The following ANO4 variants were observed in gnomAD, a reference collection of about 807,000 sequenced individuals.
ANO4 encodes the protein anoctamin 4, also known as anoctamin-4.
A neutral mutation model predicts 141.9 loss-of-function variants in ANO4; 69 were observed. That is an observed-to-expected ratio of 0.49 (90% CI 0.40 to 0.59). ANO4 has a LOEUF of 0.59. Ranked by LOEUF, ANO4 falls within the 20% of genes least tolerant of loss-of-function variation. The probability of loss-of-function intolerance (pLI) is 0.00; values close to 1 mark genes in which losing one functional copy is unlikely to be tolerated. For missense variants in ANO4, 894 were observed against 1,162.2 expected, an observed-to-expected ratio of 0.77 and a Z score of 3.36; for synonymous variants, 350 against 394.3, an observed-to-expected ratio of 0.89 and a Z score of 1.33.
intron 6 of ANO4, among the ~76,000 whole-genome samples, chr12:100,971,762 G>A (rs2043944195): frequency 6.6e-6 from 1 of 151,728 alleles, no homozygotes; most frequent in Non-Finnish European, 1.5e-5. Context: ...ATGTTTTCAT[G>A]TTCTTTACTG....
intron 1 of ANO4, among the ~76,000 whole-genome samples, chr12:100,845,807 A>C (rs1026287518): frequency 3.3e-5 from 5 of 152,228 alleles, no homozygotes; most frequent in Non-Finnish European, 5.9e-5. Context: ...TTACTTTACC[A>C]GTTCATTGTA....
intron 1 of ANO4, chr12:100,885,460 G>A (rs572929635): frequency 1.3e-5 from 2 of 152,216 alleles, no homozygotes; most frequent in Non-Finnish European, 2.9e-5. Flanking sequence ...ATGCAGTCCA[G>A]TGGACCTTCT....
At chr12:100,757,503 A>G (rs2032663983) in intron 3 of ANO4, among the ~76,000 whole-genome samples, 1 of 152,208 alleles carries the variant, frequency 6.6e-6, no homozygotes, top group Non-Finnish European at 1.5e-5. Context: ...TTCTCTTGTA[A>G]CTACAAAGGT....
Position 100,967,288 on chromosome 12 carries a change from T to C in ANO4, c.457-4018T>C, listed in dbSNP as rs140442668. Among the ~76,000 whole-genome samples the C allele has an allele frequency of 6.8e-4, 104 of 152,294 alleles. 1 individual carries two copies. In the East Asian group the frequency reaches 0.01, roughly 15 times the overall value. On this transcript the variant is annotated intron_variant, in intron 5 of 27. Transcript: ENST00000392977. ...TTCATAAAAATCATTTTCATTTCTTTTCACTTTGGCTCTTGTGCACTTGGA... is the reference window on the plus strand; with the variant it reads ...TTCATAAAAATCATTTTCATTTCTTCTCACTTTGGCTCTTGTGCACTTGGA...
chr12:101,043,687 C>CCTCAGGAAGGTGTA, intron 13 of ANO4, 52 bp downstream of exon 13: 11 of 1,335,438 alleles, frequency 8.2e-6, no homozygotes, highest in Non-Finnish European at 1.2e-5. Context: ...ATACACCTTC[C>CCTCAGGAAGGTGTA]TGAGGGATGG....
chr12:100,723,650 A>G (rs2030968170), intron 1 of ANO4, among the ~76,000 whole-genome samples: 1 of 152,218 alleles, frequency 6.6e-6, no homozygotes, highest in Non-Finnish European at 1.5e-5. Flanking sequence ...ACACTCATGT[A>G]TACATGTACA....
intron 3 of ANO4, among the ~76,000 whole-genome samples, chr12:100,758,530 G>A (rs1307515197): frequency 6.6e-6 from 1 of 152,152 alleles, no homozygotes; most frequent in Admixed American, 6.5e-5. Context: ...GAGAGGATTT[G>A]TTATTCTCTT....
chr12:101,094,861 C>T (rs1308266930), intron 18 of ANO4, among the ~76,000 whole-genome samples: 1 of 152,182 alleles, frequency 6.6e-6, no homozygotes, highest in Non-Finnish European at 1.5e-5. Flanking sequence ...GTGGCATGTA[C>T]CTGTAGTCTC....
Position 101,042,535 on chromosome 12 carries a change from G to T in ANO4, c.1154+67G>T. On this transcript the variant is annotated intron_variant, in intron 12 of 27. Transcript: ENST00000392977. ...TAGAGGTGGCTGTTTGCACTTTGGG[G>T]GTATTCACAGATTGTGGAGACATTT... The T allele has an allele frequency of 5.1e-6, 8 of 1,580,856 alleles. No homozygotes were observed. In the South Asian group the frequency reaches 5.6e-5, roughly 11 times the overall value.
intron 3 of ANO4, among the ~76,000 whole-genome samples, chr12:100,766,767 T>G (rs1189818708): frequency 6.6e-6 from 1 of 152,156 alleles, no homozygotes; most frequent in Non-Finnish European, 1.5e-5. Flanking sequence ...CTTTTCTTAT[T>G]GATTTTCTGG....
intron 3 of ANO4, among the ~76,000 whole-genome samples, chr12:100,761,311 A>G (rs1044361981): frequency 3.3e-5 from 5 of 152,094 alleles, no homozygotes; most frequent in African/African-American, 1.2e-4. Context: ...GGTCCCCAAG[A>G]CCACTTCCAG....
intron 2 of ANO4, 107 bp from the exon 3 acceptor site, chr12:100,922,119 C>T: frequency 1.5e-6 from 1 of 647,498 alleles, no homozygotes; most frequent in Non-Finnish European, 2.3e-6. Context: ...CATTGGCAAA[C>T]CAGCTAGCCA....
At position 100,919,043 on chromosome 12, in the gene ANO4, A is replaced by G. The variant is rs118111758; in HGVS notation, c.56-3183A>G. On this transcript the variant is annotated intron_variant, in intron 2 of 27. Transcript: ENST00000392977. ...AAAAAAGTTTTTAAATTTAAAACAT[A>G]GAAAAATGCTTATAGAATATGGATA... Among the ~76,000 whole-genome samples the G allele has an allele frequency of 5.4e-3, 824 of 152,314 alleles. 3 individuals carry two copies. The highest frequency in any genetic ancestry group is 7.9e-3 in the South Asian group (38 of 4,832).
chr12:100,976,816 C>G (rs147324181), intron 7 of ANO4, among the ~76,000 whole-genome samples: 1 of 152,332 alleles, frequency 6.6e-6, no homozygotes, highest in Non-Finnish European at 1.5e-5. Flanking sequence ...AGAGAGGTTT[C>G]TCCCAACTTT....
At chr12:100,747,972 T>A (rs182651326) in intron 3 of ANO4, among the ~76,000 whole-genome samples, 6 of 152,314 alleles carry the variant, frequency 3.9e-5, no homozygotes, top group Admixed American at 3.3e-4. Context: ...AATGACTATC[T>A]TCTGTTCCAG....
chr12:101,126,076 T>C (rs778930688), intron 26 of ANO4, among the ~76,000 whole-genome samples: 2 of 152,230 alleles, frequency 1.3e-5, no homozygotes, highest in Non-Finnish European at 2.9e-5. Context: ...TTTCTTTTAA[T>C]ATTTTGTTAT....
At chr12:100,950,152 G>A (rs930471908) in intron 5 of ANO4, among the ~76,000 whole-genome samples, 1 of 152,100 alleles carries the variant, frequency 6.6e-6, no homozygotes, top group African/African-American at 2.4e-5. Context: ...ATGATGATGA[G>A]TGTCTCAAAT....
intron 1 of ANO4, among the ~76,000 whole-genome samples, chr12:100,864,162 T>C (rs1000787148): frequency 6.6e-6 from 1 of 152,102 alleles, no homozygotes; most frequent in African/African-American, 2.4e-5. Context: ...TCTAACAATG[T>C]CGTATGCCCG....
At chr12:100,837,909 C>A (rs1330533185) in intron 1 of ANO4, among the ~76,000 whole-genome samples, 1 of 152,056 alleles carries the variant, frequency 6.6e-6, no homozygotes, top group East Asian at 1.9e-4. Context: ...TTAAATGGTT[C>A]TGTTTCTCAG....
Sources: allele counts gnomAD v4.1 joint callset (sites outside exome capture counted in the v4.1 genomes callset), GRCh38; gene constraint gnomAD v4.1.1; transcripts MANE v1.5; gene names NCBI Gene and HGNC (gene_info 2026-07-23, HGNC 2026-07-21).